The following KIAA0586 variants were observed in gnomAD, a reference collection of about 807,000 sequenced individuals.
KIAA0586 encodes the protein KIAA0586, also known as protein TALPID3.
KIAA0586 carries 144 observed loss-of-function variants against 169.8 expected under a neutral mutation model. That is an observed-to-expected ratio of 0.85 (90% CI 0.74 to 0.97). The LOEUF is 0.97. KIAA0586 is among the 50% of genes least tolerant of loss of function. The pLI, the probability that KIAA0586 is intolerant of heterozygous loss-of-function variation, is 0.00. For synonymous variants in KIAA0586, 625 were observed against 612.4 expected, an observed-to-expected ratio of 1.02 and a Z score of -0.30; for missense variants, 1,854 against 1,823.0, an observed-to-expected ratio of 1.02 and a Z score of -0.31.
chr14:58,509,344 A>G (rs2044222425), intron 28 of KIAA0586, among the ~76,000 whole-genome samples: 1 of 152,228 alleles, frequency 6.6e-6, no homozygotes, highest in African/African-American at 2.4e-5. Flanking sequence ...TAGGTGCTTG[A>G]TAAGTGTTTA....
the KIAA0586 span, among the ~76,000 whole-genome samples, chr14:58,557,901 C>CTTTTTTTTTTTTTTTT: frequency 4.4e-3 from 189 of 42,506 alleles, 50 homozygotes; most frequent in African/African-American, 0.014. Flanking sequence ...CCTGAGAAAT[C>CTTTTTTTTTTTTTTTT]TTTTTTTTTT....
rs1166954041 is a variant in KIAA0586, at chr14:58,467,790, G to T, written c.2310G>T (p.Lys770Asn). 1 of 1,613,680 alleles carries T rather than the reference G, an allele frequency of 6.2e-7. No individual in the cohort carries two copies. Among genetic ancestry groups the T allele is most frequent in the Non-Finnish European group, 8.5e-7 (1 of 1,179,796 alleles). The change falls in exon 16 of 31, where the codon AAG becomes AAT. Residue 770 changes from lysine (K) to asparagine (N), a missense_variant. Physicochemically the swap from Lys to Asn is moderately conservative, Grantham distance 94. Coordinates refer to ENST00000652326, the MANE Select transcript of KIAA0586 (RefSeq NM_001329943.3). The stretch of plus-strand genomic sequence containing the variant: ...CACCTGCTGGAGTGATTGTCAGCAA[G>T]CCACACCCTGTAACTGTGACTACTT... ...TMPPAGVIVS[K>N]PHPVTVTTSI... is the part of the protein sequence containing the mutation.
chr14:58,531,829 C>T lies in KIAA0586; in HGVS notation c.4430-8242C>T, dbSNP rs137972539. Among the ~76,000 whole-genome samples the T allele has an allele frequency of 4.7e-4, 71 of 152,242 alleles. No homozygotes were observed. The East Asian group carries it at 0.011, about 23-fold the overall frequency. On this transcript the variant is annotated intron_variant, in intron 29 of 30. Transcript: ENST00000652326. ...CTGGATAAAGAAAATGTGGTACATA[C>T]ACACCATGGAATAATATGCAGCCAT...
At chr14:58,509,408 T>A (rs2044225873) in intron 28 of KIAA0586, among the ~76,000 whole-genome samples, 1 of 152,160 alleles carries the variant, frequency 6.6e-6, no homozygotes, top group African/African-American at 2.4e-5. Flanking sequence ...CATAAGAAAT[T>A]TAATGCTGAG....
chr14:58,507,178 T>TAC (rs1566916136), intron 27 of KIAA0586, among the ~76,000 whole-genome samples: 1 of 139,836 alleles, frequency 7.2e-6, no homozygotes, highest in African/African-American at 2.9e-5. Flanking sequence ...TATATATATA[T>TAC]GTGTATGTAT....
chr14:58,456,036 T>TG (rs922157460), intron 9 of KIAA0586, among the ~76,000 whole-genome samples: 1 of 151,200 alleles, frequency 6.6e-6, no homozygotes, highest in African/African-American at 2.4e-5. Flanking sequence ...TTGCCACCGT[T>TG]TTTTGAAAAA....
intron 29 of KIAA0586, among the ~76,000 whole-genome samples, chr14:58,535,295 G>GTAGCTGTTTCAC (rs1555405701): frequency 4.0e-5 from 6 of 148,538 alleles, no homozygotes; most frequent in South Asian, 2.2e-4. Context: ...TTAAAACATA[G>GTAGCTGTTTCAC]AGTCTCTCAG....
rs1354690928 is a variant in KIAA0586, at chr14:58,482,545, T to C, written c.2977T>C (p.Phe993Leu). The change falls in exon 21 of 31, where the codon TTT (phenylalanine) becomes CTT (leucine). Residue 993 changes from phenylalanine (F) to leucine (L), a missense_variant. Phe to Leu is a conservative substitution (Grantham distance 22). Transcript: ENST00000652326. Reference sequence around the variant, plus strand: ...AACAAGCAGTGGCGCCCTCCAGCTTTTTGTTGATGCTGGTGTTCCTGTGAA... The same window carrying C: ...AACAAGCAGTGGCGCCCTCCAGCTTCTTGTTGATGCTGGTGTTCCTGTGAA... ...EGTSSGALQL[F>L]VDAGVPVNSN... 19 of 1,560,070 alleles carry C rather than the reference T, an allele frequency of 1.2e-5. No individual in the cohort carries two copies. The highest frequency in any genetic ancestry group is 1.7e-5 in the Non-Finnish European group (19 of 1,150,866).
At chr14:58,522,267 G>A (rs2045281579) in intron 29 of KIAA0586, among the ~76,000 whole-genome samples, 1 of 152,146 alleles carries the variant, frequency 6.6e-6, no homozygotes, top group South Asian at 2.1e-4. Flanking sequence ...AGGATATGTG[G>A]TTTTTATTAA....
At chr14:58,523,103 A>T (rs1287715231) in intron 29 of KIAA0586, among the ~76,000 whole-genome samples, 2 of 152,140 alleles carry the variant, frequency 1.3e-5, no homozygotes, top group Non-Finnish European at 2.9e-5. Flanking sequence ...GTAACTAAGG[A>T]TGATCCCTCA....
At chr14:58,452,194 G>T (rs973235706) in intron 8 of KIAA0586, among the ~76,000 whole-genome samples, 1 of 152,034 alleles carries the variant, frequency 6.6e-6, no homozygotes, top group Non-Finnish European at 1.5e-5. Flanking sequence ...CTGCTTGGAT[G>T]ATGGGTGCAC....
At chr14:58,439,381 GT>G (rs2038105894) in intron 4 of KIAA0586, among the ~76,000 whole-genome samples, 1 of 152,012 alleles carries the variant, frequency 6.6e-6, no homozygotes, top group Non-Finnish European at 1.5e-5. Flanking sequence ...TAGAGATGGG[GT>G]TTCACCGTGT....
intron 20 of KIAA0586, among the ~76,000 whole-genome samples, chr14:58,479,919 A>G (rs1286224020): frequency 6.6e-6 from 1 of 152,152 alleles, no homozygotes; most frequent in African/African-American, 2.4e-5. Flanking sequence ...CTTCTTGATT[A>G]CTGTAATTTA....
intron 14 of KIAA0586, among the ~76,000 whole-genome samples, chr14:58,465,370 T>C (rs1482302325): frequency 2.0e-5 from 3 of 152,210 alleles, no homozygotes; most frequent in Non-Finnish European, 4.4e-5. Flanking sequence ...TTCGTACCTA[T>C]GGAAAAAAAT....
At chr14:58,531,087 G>A (rs1223039272) in intron 29 of KIAA0586, among the ~76,000 whole-genome samples, 1 of 151,890 alleles carries the variant, frequency 6.6e-6, no homozygotes, top group African/African-American at 2.4e-5. Context: ...GGAGGCCAAG[G>A]CAGGTGGATC....
At chr14:58,471,517 T>C (rs1351988053) in intron 17 of KIAA0586, among the ~76,000 whole-genome samples, 1 of 152,212 alleles carries the variant, frequency 6.6e-6, no homozygotes, top group Non-Finnish European at 1.5e-5. Flanking sequence ...GTTTTGTTTA[T>C]TGTAAGCAAA....
intron 29 of KIAA0586, 137 bp downstream of exon 29, chr14:58,512,764 C>T: frequency 1.8e-6 from 1 of 544,812 alleles, no homozygotes; most frequent in South Asian, 2.9e-5. Context: ...TCATTTAGTC[C>T]ATTTACATGA....
the KIAA0586 span, among the ~76,000 whole-genome samples, chr14:58,557,906 T>TTTTTTTTTTTTTTTTTTTTTTTG: frequency 8.8e-6 from 1 of 113,508 alleles, no homozygotes; most frequent in Non-Finnish European, 1.8e-5. Flanking sequence ...GAAATCTTTT[T>TTTTTTTTTTTTTTTTTTTTTTTG]TTTTTTTTTT....
At chr14:58,476,012 C>T (rs1005946615) in intron 19 of KIAA0586, among the ~76,000 whole-genome samples, 30 of 152,136 alleles carry the variant, frequency 2.0e-4, no homozygotes, top group Non-Finnish European at 1.5e-5. Flanking sequence ...ACAGGAGAAT[C>T]GCTTGAACCT....
Sources: gnomAD v4.1 joint callset for allele counts (sites outside exome capture counted in the v4.1 genomes callset) on GRCh38, gnomAD v4.1.1 for gene constraint, MANE v1.5 for transcripts, NCBI Gene and HGNC (gene_info 2026-07-23, HGNC 2026-07-21) for gene names.